IPO11: variants seen among roughly 807,000 people sequenced by gnomAD.
The protein encoded by IPO11 is importin 11.
In IPO11, 66 loss-of-function variants were observed where a neutral mutation model predicts 143.2. The ratio of observed to expected loss-of-function variants is 0.46; its 90% CI spans 0.38 to 0.57. IPO11 has a LOEUF of 0.57. IPO11 is among the 20% of genes least tolerant of loss of function. IPO11 has a pLI of 0.00. For missense variants in IPO11, 1,026 were observed against 1,141.0 expected (o/e 0.90, Z 1.45); for synonymous variants, 385 against 377.8 (o/e 1.02, Z -0.22).
At chr5:62,465,584 CTAAAG>C (rs1745545429) in intron 5 of IPO11, among the ~76,000 whole-genome samples, 1 of 152,156 alleles carries the variant, frequency 6.6e-6, no homozygotes, top group South Asian at 2.1e-4. Flanking sequence ...AGAATGATCA[CTAAAG>C]TATTTTGGCT....
At chr5:62,588,057 C>T (rs1165680924) in intron 27 of IPO11, among the ~76,000 whole-genome samples, 1 of 152,130 alleles carries the variant, frequency 6.6e-6, no homozygotes, top group East Asian at 1.9e-4. Context: ...CCAAATTCTG[C>T]CACCCTGAAT....
chr5:62,528,008 A>G (rs1742420491), intron 21 of IPO11, among the ~76,000 whole-genome samples: 1 of 152,212 alleles, frequency 6.6e-6, no homozygotes. Context: ...TGAATATGAG[A>G]TAATGTTTGC....
intron 9 of IPO11, among the ~76,000 whole-genome samples, chr5:62,482,444 A>C (rs1007497393): frequency 1.3e-5 from 2 of 152,124 alleles, no homozygotes; most frequent in Admixed American, 1.3e-4. Flanking sequence ...ATTTCCCTCT[A>C]CACACTGCTT....
intron 6 of IPO11, among the ~76,000 whole-genome samples, chr5:62,469,877 A>G (rs1031849355): frequency 1.3e-5 from 2 of 152,196 alleles, no homozygotes; most frequent in Admixed American, 6.5e-5. Flanking sequence ...AATATAGCCG[A>G]AAACTGAATG....
intron 1 of IPO11, among the ~76,000 whole-genome samples, chr5:62,414,951 A>G (rs927221049): frequency 2.6e-5 from 4 of 152,220 alleles, no homozygotes; most frequent in African/African-American, 9.6e-5. Context: ...ACACATACCT[A>G]GATTTATAAC....
intron 27 of IPO11, chr5:62,578,915 A>C (rs1485687375): frequency 4.0e-6 from 1 of 250,224 alleles, no homozygotes; most frequent in East Asian, 1.1e-4. Context: ...GAGTGTTAAT[A>C]ATACGAATTT....
At chr5:62,578,719 G>A (rs1431615609) in intron 27 of IPO11, 1 of 468,900 alleles carries the variant, frequency 2.1e-6, no homozygotes, top group Non-Finnish European at 4.4e-6. Flanking sequence ...TGTATCCATG[G>A]CAACCTCTGT....
intron 29 of IPO11, among the ~76,000 whole-genome samples, chr5:62,621,812 C>T (rs1746388003): frequency 6.6e-6 from 1 of 151,884 alleles, no homozygotes. Flanking sequence ...CTTTGGAATT[C>T]AGGAAACAAA....
chr5:62,470,539 C>T (rs1561324038), intron 7 of IPO11, among the ~76,000 whole-genome samples: 1 of 152,106 alleles, frequency 6.6e-6, no homozygotes, highest in Non-Finnish European at 1.5e-5. Context: ...TGCCATGGTA[C>T]ATTGAGAGTG....
intron 26 of IPO11, among the ~76,000 whole-genome samples, chr5:62,558,616 G>C (rs1277184691): frequency 6.6e-6 from 1 of 152,078 alleles, no homozygotes; most frequent in Non-Finnish European, 1.5e-5. Flanking sequence ...AGGGAAAAAA[G>C]TAAAGTATCA....
At chr5:62,448,329 C>T (rs751491657) in intron 3 of IPO11, among the ~76,000 whole-genome samples, 10 of 152,120 alleles carry the variant, frequency 6.6e-5, no homozygotes, top group South Asian at 2.1e-4. Flanking sequence ...CAGGATGCTA[C>T]GCTATTCAAA....
At chr5:62,624,555 A>G (rs1021784501) in intron 29 of IPO11, among the ~76,000 whole-genome samples, 16 of 152,002 alleles carry the variant, frequency 1.1e-4, no homozygotes, top group African/African-American at 3.9e-4. Context: ...CTTTACCGCA[A>G]CCTATCTTAT....
intron 5 of IPO11, among the ~76,000 whole-genome samples, chr5:62,455,114 A>G (rs867210686): frequency 1.3e-5 from 2 of 152,288 alleles, no homozygotes; most frequent in Middle Eastern, 3.4e-3. Flanking sequence ...ATAAAGAGCA[A>G]TTTTGCTGGT....
chr5:62,498,643 C>CT (rs1741237287), intron 16 of IPO11, among the ~76,000 whole-genome samples: 1 of 152,196 alleles, frequency 6.6e-6, no homozygotes, highest in South Asian at 2.1e-4. Context: ...AATCCCAGCA[C>CT]TTTGAGAGGC....
intron 26 of IPO11, among the ~76,000 whole-genome samples, chr5:62,553,346 G>GTT (rs3077456): frequency 0.54 from 81,511 of 150,306 alleles, 22,622 homozygotes; most frequent in South Asian, 0.67. Flanking sequence ...GTGTGTGTGT[G>GTT]TGTGTGTGTG....
At chr5:62,529,156 AT>A in intron 21 of IPO11, among the ~76,000 whole-genome samples, 1 of 152,170 alleles carries the variant, frequency 6.6e-6, no homozygotes, top group East Asian at 1.9e-4. Context: ...CTATCTTAAT[AT>A]AAACATTTAA....
chr5:62,437,242 C>T, intron 1 of IPO11, 32 bp from the exon 2 acceptor site: 1 of 1,523,758 alleles, frequency 6.6e-7, no homozygotes, highest in Admixed American at 2.0e-5. Context: ...ACTTGTAATA[C>T]ATATTCAAGT....
At chr5:62,439,628 T>C (rs1744388733) in intron 2 of IPO11, among the ~76,000 whole-genome samples, 1 of 151,782 alleles carries the variant, frequency 6.6e-6, no homozygotes, top group Non-Finnish European at 1.5e-5. Flanking sequence ...GGTCTTGCTT[T>C]GTTGGCTGGT....
At chr5:62,465,484 T>C (rs185463758) in intron 5 of IPO11, among the ~76,000 whole-genome samples, 1 of 152,364 alleles carries the variant, frequency 6.6e-6, no homozygotes, top group African/African-American at 2.4e-5. Flanking sequence ...GAATGTTTGC[T>C]TCTCTGCTAT....
Sources: gnomAD v4.1 joint callset for allele counts (sites outside exome capture counted in the v4.1 genomes callset) on GRCh38, gnomAD v4.1.1 for gene constraint, MANE v1.5 for transcripts, NCBI Gene and HGNC (gene_info 2026-07-23, HGNC 2026-07-21) for gene names.